The following REC114 variants were observed in gnomAD, a reference collection of about 807,000 sequenced individuals.
The protein encoded by REC114 is meiotic recombination protein REC114.
Under a neutral mutation model 31.3 loss-of-function variants are expected in REC114, and 27 were observed. The observed-to-expected ratio is 0.86, with a 90% CI of 0.64 to 1.19. The LOEUF is 1.19. Ranked by LOEUF, REC114 falls within the 50% of genes most tolerant of loss-of-function variation. REC114 has a pLI of 0.00. For missense variants in REC114, 344 were observed against 326.9 expected, an observed-to-expected ratio of 1.05 and a Z score of -0.40; for synonymous variants, 134 against 127.7, an observed-to-expected ratio of 1.05 and a Z score of -0.33.
At chr15:73,464,503 G>A (rs1051012451) in intron 1 of REC114, among the ~76,000 whole-genome samples, 1 of 151,926 alleles carries the variant, frequency 6.6e-6, no homozygotes, top group African/African-American at 2.4e-5. Flanking sequence ...TCTAACTTAT[G>A]GGTCTTTTCA....
At chr15:73,554,916 C>T (rs139815396) in intron 4 of REC114, among the ~76,000 whole-genome samples, 3 of 152,206 alleles carry the variant, frequency 2.0e-5, no homozygotes, top group Non-Finnish European at 4.4e-5. Flanking sequence ...AAACACTAGG[C>T]ACTAGAGGCT....
chr15:73,538,088 T>TG (rs1595880573), intron 2 of REC114, among the ~76,000 whole-genome samples: 2 of 152,288 alleles, frequency 1.3e-5, no homozygotes, highest in East Asian at 3.9e-4. Flanking sequence ...CAACTAAAAA[T>TG]GGAATTTTAA....
intron 1 of REC114, among the ~76,000 whole-genome samples, chr15:73,451,845 A>G (rs1193363020): frequency 6.6e-6 from 1 of 152,216 alleles, no homozygotes; most frequent in Non-Finnish European, 1.5e-5. Context: ...AAATCAATAA[A>G]TGTAATCCAT....
chr15:73,488,613 A>G (rs1045060979), intron 2 of REC114, among the ~76,000 whole-genome samples: 6 of 152,364 alleles, frequency 3.9e-5, no homozygotes, highest in Middle Eastern at 3.4e-3. Context: ...TTGCCATTGT[A>G]TAACAAGAAT....
chr15:73,452,858 A>C (rs2151251601), intron 1 of REC114, among the ~76,000 whole-genome samples: 1 of 152,310 alleles, frequency 6.6e-6, no homozygotes, highest in South Asian at 2.1e-4. Context: ...TCTTTGACAA[A>C]CCTGACAAAA....
chr15:73,461,935 T>C (rs920186766), intron 1 of REC114, among the ~76,000 whole-genome samples: 7 of 143,692 alleles, frequency 4.9e-5, no homozygotes, highest in African/African-American at 1.8e-4. Context: ...TTTTTTTTTT[T>C]TTTTTTTTTT....
intron 1 of REC114, among the ~76,000 whole-genome samples, chr15:73,471,262 T>C (rs1262489907): frequency 6.6e-6 from 1 of 152,170 alleles, no homozygotes; most frequent in Non-Finnish European, 1.5e-5. Context: ...GAATTATGGA[T>C]ATTTTGAAGA....
chr15:73,501,730 CCA>C (rs1304409148), intron 2 of REC114, among the ~76,000 whole-genome samples: 1 of 152,166 alleles, frequency 6.6e-6, no homozygotes, highest in Non-Finnish European at 1.5e-5. Context: ...CAGGTGTGAG[CCA>C]CCATGCCTGG....
intron 4 of REC114, among the ~76,000 whole-genome samples, chr15:73,555,667 C>T (rs538907697): frequency 2.8e-4 from 42 of 152,176 alleles, no homozygotes; most frequent in African/African-American, 9.6e-4. Flanking sequence ...TGTTCTTTGT[C>T]GCTCCTATCC....
chr15:73,505,693 G>A (rs1437306738), intron 2 of REC114, among the ~76,000 whole-genome samples: 2 of 152,044 alleles, frequency 1.3e-5, no homozygotes, highest in Admixed American at 6.6e-5. Context: ...CACCATGCCC[G>A]GCTAATTTTT....
chr15:73,513,196 C>A (rs1893800785), intron 2 of REC114, among the ~76,000 whole-genome samples: 2 of 148,938 alleles, frequency 1.3e-5, no homozygotes, highest in Admixed American at 6.7e-5. Flanking sequence ...TCATTCATTT[C>A]ATCTTCCATT....
chr15:73,501,451 G>T (rs988563637), intron 2 of REC114, among the ~76,000 whole-genome samples: 1 of 152,066 alleles, frequency 6.6e-6, no homozygotes, highest in African/African-American at 2.4e-5. Context: ...AGCAGCAGCA[G>T]CATTATTATT....
chr15:73,547,564 A>C (rs1230056606), intron 3 of REC114, among the ~76,000 whole-genome samples: 1 of 152,204 alleles, frequency 6.6e-6, no homozygotes, highest in African/African-American at 2.4e-5. Flanking sequence ...AAAAGAAAGG[A>C]AATCAATGTA....
chr15:73,534,429 C>G (rs1235018311), intron 2 of REC114, among the ~76,000 whole-genome samples: 3 of 152,088 alleles, frequency 2.0e-5, no homozygotes, highest in Admixed American at 6.6e-5. Flanking sequence ...AGAAAATCTA[C>G]AAGAAATGGA....
intron 2 of REC114, among the ~76,000 whole-genome samples, chr15:73,518,406 C>T (rs547441134): frequency 8.5e-5 from 13 of 152,218 alleles, no homozygotes; most frequent in Non-Finnish European, 1.3e-4. Flanking sequence ...TCTGGTGGTT[C>T]CTGGCCACAT....
In REC114 at chr15:73,476,921, G is replaced by A. The variant is rs546933933; in HGVS notation, c.249+3000G>A. 4.6e-5 allele frequency among the ~76,000 whole-genome samples: 7 copies of A among 152,326 alleles called. No individual in the cohort carries two copies. In the South Asian group the frequency reaches 1.0e-3, roughly 23 times the overall value. The stretch of plus-strand genomic sequence containing the variant: ...GAAGAACCGCTGAGTCATATGGTGT[G>A]TCTGTGTTTAACTTTATAGGAAACT... On this transcript the variant is annotated intron_variant, in intron 2 of 5. Transcript: ENST00000331090.
intron 1 of REC114, among the ~76,000 whole-genome samples, chr15:73,459,605 AAGT>A (rs1223118746): frequency 1.3e-5 from 2 of 152,186 alleles, no homozygotes; most frequent in Admixed American, 1.3e-4. Context: ...GTCTTTTATA[AAGT>A]AGTAGTCATT....
chr15:73,521,281 CTAGA>C (rs1314595984), intron 2 of REC114, among the ~76,000 whole-genome samples: 1 of 152,054 alleles, frequency 6.6e-6, no homozygotes. Flanking sequence ...AACACTGTAC[CTAGA>C]ATGACAGAAT....
intron 1 of REC114, among the ~76,000 whole-genome samples, chr15:73,451,675 C>CA (rs1239456823): frequency 2.8e-4 from 43 of 151,716 alleles, no homozygotes; most frequent in East Asian, 1.9e-4. Context: ...AGAGACACAA[C>CA]AAAAAAAACG....
Sources: allele counts gnomAD v4.1 joint callset (sites outside exome capture counted in the v4.1 genomes callset), GRCh38; gene constraint gnomAD v4.1.1; transcripts MANE v1.5; gene names NCBI Gene and HGNC (gene_info 2026-07-23, HGNC 2026-07-21).